ARHGEF11: variants seen among roughly 807,000 people sequenced by gnomAD.
ARHGEF11 encodes the protein Rho guanine nucleotide exchange factor 11, also known as Rho guanine exchange factor (GEF) 11.
In ARHGEF11, 55 loss-of-function variants were observed where a neutral mutation model predicts 193.7. The ratio of observed to expected loss-of-function variants is 0.28; its 90% CI spans 0.23 to 0.36. The LOEUF (loss-of-function observed/expected upper bound fraction) is 0.36, where lower values mean the gene tolerates loss of function less well. ARHGEF11 is among the 10% of genes least tolerant of loss of function. The probability of loss-of-function intolerance (pLI) is 1.00; values close to 1 mark genes in which losing one functional copy is unlikely to be tolerated. For missense variants in ARHGEF11, 1,723 were observed against 2,005.6 expected, an observed-to-expected ratio of 0.86 and a Z score of 2.69; for synonymous variants, 693 against 768.0, an observed-to-expected ratio of 0.90 and a Z score of 1.62.
intron 1 of ARHGEF11, among the ~76,000 whole-genome samples, chr1:157,040,004 C>T (rs979258806): frequency 3.3e-5 from 5 of 151,996 alleles, no homozygotes; most frequent in African/African-American, 1.2e-4. Flanking sequence ...TTGATGAACT[C>T]GTATTGTCAT....
In ARHGEF11 at chr1:156,955,596, G is replaced by A; in HGVS notation, c.1768+107C>T. 3 of 872,476 alleles carry A rather than the reference G, an allele frequency of 3.4e-6. No homozygotes were observed. In the South Asian group the frequency reaches 4.4e-5, roughly 13 times the overall value. 54.0% of individuals were successfully genotyped at this position (872,476 alleles called of 1,614,324 possible). ...GTGGCTGTGGTCTGAGTTTGGGCCT[G>A]TGGCTCCCAGAAACACAGGAAGGCC... is the stretch of plus-strand genomic sequence containing the variant. On this transcript the variant is annotated intron_variant, in intron 20 of 40. Coordinates refer to ENST00000368194, the MANE Select transcript of ARHGEF11 (RefSeq NM_198236.3).
At chr1:157,007,131 G>A (rs138070089) in intron 1 of ARHGEF11, among the ~76,000 whole-genome samples, 521 of 152,180 alleles carry the variant, frequency 3.4e-3, no homozygotes, top group Middle Eastern at 6.8e-3. Flanking sequence ...ATGACAGGAT[G>A]GAAAGGAGGA....
intron 34 of ARHGEF11, 90 bp from the exon 35 acceptor site, chr1:156,941,523 A>C: frequency 1.4e-6 from 2 of 1,428,410 alleles, no homozygotes; most frequent in Non-Finnish European, 2.0e-6. Context: ...GGATCCGAGA[A>C]GGACGGTGTG....
At chr1:156,984,686 T>C (rs1459021451) in intron 2 of ARHGEF11, among the ~76,000 whole-genome samples, 1 of 152,176 alleles carries the variant, frequency 6.6e-6, no homozygotes, top group Non-Finnish European at 1.5e-5. Context: ...GCTAAAATGC[T>C]TGTCTCTCAC....
At chr1:156,962,855 G>C (rs543956374) in intron 13 of ARHGEF11, among the ~76,000 whole-genome samples, 106 of 140,540 alleles carry the variant, frequency 7.5e-4, no homozygotes, top group African/African-American at 2.7e-3. Flanking sequence ...CTCCAGCCTC[G>C]GCGACAGTGC....
intron 1 of ARHGEF11, among the ~76,000 whole-genome samples, chr1:156,990,294 CTATTA>C (rs1245818022): frequency 1.3e-5 from 2 of 152,142 alleles, no homozygotes; most frequent in Admixed American, 6.5e-5. Context: ...TTTTAAGAGA[CTATTA>C]TATAAGTGAT....
intron 1 of ARHGEF11, among the ~76,000 whole-genome samples, chr1:157,018,637 C>T (rs1319022390): frequency 6.7e-6 from 1 of 148,342 alleles, no homozygotes; most frequent in Non-Finnish European, 1.5e-5. Flanking sequence ...GAGCAAGACT[C>T]TGTCTCAAAA....
At chr1:156,995,486 T>C (rs111593220) in intron 1 of ARHGEF11, among the ~76,000 whole-genome samples, 17 of 152,240 alleles carry the variant, frequency 1.1e-4, no homozygotes, top group African/African-American at 4.1e-4. Context: ...GTGTTGAGTT[T>C]CCCTGAAATT....
intron 22 of ARHGEF11, chr1:156,949,090 T>C (rs1224726560): frequency 2.0e-6 from 2 of 985,350 alleles, no homozygotes; most frequent in Non-Finnish European, 2.4e-6. Flanking sequence ...CTTCCAGTTG[T>C]GATGTGGATG....
Position 156,939,680 on chromosome 1 carries a change from G to A in ARHGEF11, c.3964C>T (p.Leu1322Phe), listed in dbSNP as rs771688817. The A allele has an allele frequency of 1.9e-6, 3 of 1,614,044 alleles. No homozygotes were observed. The Admixed American group carries it at 5.0e-5, about 27-fold the overall frequency. Residue 1322 changes from leucine to phenylalanine, a missense_variant, in exon 37 of 41, where the codon CTC becomes TTC. Physicochemically the swap from Leu to Phe is conservative, Grantham distance 22. Transcript: ENST00000368194. ...GERPEQEDMG[L>F]CSLEHLPPRT... ...GGGGGTAGGTGTTCCAGAGAACAGA[G>A]ACCCATGTCTTCCTGCTCTGGCCGT...
At chr1:156,954,973 G>T (rs1399320895) in intron 20 of ARHGEF11, 52 bp from the exon 21 acceptor site, 14 of 1,497,590 alleles carry the variant, frequency 9.3e-6, no homozygotes, top group Non-Finnish European at 1.3e-5. Context: ...GTCAATCAAT[G>T]TTTTAAGAAT....
intron 32 of ARHGEF11, among the ~76,000 whole-genome samples, chr1:156,943,186 G>C (rs573948639): frequency 6.6e-6 from 1 of 150,870 alleles, no homozygotes; most frequent in Non-Finnish European, 1.5e-5. Flanking sequence ...TCAGCCTCCC[G>C]AGTAACTGGA....
intron 15 of ARHGEF11, among the ~76,000 whole-genome samples, chr1:156,959,943 C>CCCCAA (rs1553204878): frequency 2.1e-4 from 20 of 97,082 alleles, no homozygotes; most frequent in African/African-American, 5.1e-4. Context: ...CCCCCCCCCC[C>CCCCAA]AAAAAAAACA....
upstream of ARHGEF11, among the ~76,000 whole-genome samples, chr1:157,046,834 A>AC (rs140150092): frequency 0.31 from 44,709 of 145,990 alleles, 6,999 homozygotes; most frequent in Middle Eastern, 0.43. Flanking sequence ...ACATGGTGAA[A>AC]CCCCCCCCCT....
intron 1 of ARHGEF11, among the ~76,000 whole-genome samples, chr1:157,013,235 C>G (rs532175152): frequency 1.8e-5 from 2 of 113,398 alleles, no homozygotes; most frequent in African/African-American, 6.3e-5. Context: ...GGGTCTGTCC[C>G]CAACTGCTCA....
At chr1:156,991,626 T>C (rs1331390430) in intron 1 of ARHGEF11, among the ~76,000 whole-genome samples, 1 of 150,440 alleles carries the variant, frequency 6.6e-6, no homozygotes, top group African/African-American at 2.4e-5. Context: ...GGTCTTAATC[T>C]GTTTTTATGT....
chr1:156,949,432 G>A (rs931331064), intron 22 of ARHGEF11, among the ~76,000 whole-genome samples: 2 of 152,242 alleles, frequency 1.3e-5, no homozygotes, highest in Admixed American at 1.3e-4. Context: ...AGGACCACAG[G>A]AGGCCTGGAA....
rs538556206 is a variant in ARHGEF11, at chr1:156,948,934, C to T, written c.1926-436G>A. On this transcript the variant is annotated intron_variant, in intron 22 of 40. Transcript: ENST00000368194. The surrounding 1 kb of genome is among the most constrained non-coding windows in gnomAD (Gnocchi z 4.2). ...AGTTCACGTTGCCTCTGCTTTGGAA[C>T]GGGTCAGCTCCCACCTTTAACTCTG... 24 of 985,404 alleles carry T rather than the reference C, an allele frequency of 2.4e-5. No homozygotes were observed. Among genetic ancestry groups the T allele is most frequent in the South Asian group, 2.3e-4 (5 of 21,284 alleles). The allele number at this position is 985,404 out of a possible 1,614,324, so 61.0% of individuals were successfully genotyped here.
intron 8 of ARHGEF11, among the ~76,000 whole-genome samples, chr1:156,970,381 G>T (rs947627191): frequency 6.6e-6 from 1 of 152,182 alleles, no homozygotes; most frequent in Non-Finnish European, 1.5e-5. Flanking sequence ...GGTGACCGAG[G>T]GAAGATATAA....
Sources: gnomAD v4.1 joint callset for allele counts (sites outside exome capture counted in the v4.1 genomes callset) on GRCh38, gnomAD v4.1.1 for gene constraint, Gnocchi (gnomAD v3.1) non-coding constraint, MANE v1.5 for transcripts, NCBI Gene and HGNC (gene_info 2026-07-23, HGNC 2026-07-21) for gene names.